The following ZHX3 variants were observed in gnomAD, a reference collection of about 807,000 sequenced individuals.
ZHX3 encodes the protein zinc fingers and homeoboxes protein 3.
ZHX3 carries 20 observed loss-of-function variants against 64.5 expected under a neutral mutation model. That is an observed-to-expected ratio of 0.31 (90% CI 0.22 to 0.45). The LOEUF is 0.45. Among genes scored for constraint, ZHX3 ranks in the 20% least tolerant of loss-of-function variants. The pLI, the probability that ZHX3 is intolerant of heterozygous loss-of-function variation, is 1.00. For missense variants in ZHX3, 1,041 were observed against 1,195.8 expected (o/e 0.87, Z 1.91); for synonymous variants, 423 against 461.6 (o/e 0.92, Z 1.07).
At chr20:41,285,963 G>A (rs1271600623) in intron 1 of ZHX3, among the ~76,000 whole-genome samples, 1 of 152,188 alleles carries the variant, frequency 6.6e-6, no homozygotes, top group Non-Finnish European at 1.5e-5. Flanking sequence ...TAAACTATCA[G>A]CGAAGAGTTC....
chr20:41,239,747 T>G (rs916977924), intron 2 of ZHX3: 1 of 152,196 alleles, frequency 6.6e-6, no homozygotes, highest in African/African-American at 2.4e-5. Context: ...AGGGGAACAA[T>G]TAGAATGCCC....
intron 2 of ZHX3, among the ~76,000 whole-genome samples, chr20:41,263,970 G>A (rs1175802734): frequency 6.6e-6 from 1 of 151,950 alleles, no homozygotes; most frequent in Non-Finnish European, 1.5e-5. Flanking sequence ...GGAAAAACAG[G>A]ACACAAAAAG....
At chr20:41,250,982 A>C (rs2041964531) in intron 2 of ZHX3, among the ~76,000 whole-genome samples, 1 of 152,200 alleles carries the variant, frequency 6.6e-6, no homozygotes, top group Admixed American at 6.5e-5. Flanking sequence ...CCCCGTCTCT[A>C]CTAAAAATAA....
chr20:41,270,163 G>A (rs1384109595), intron 1 of ZHX3, among the ~76,000 whole-genome samples: 3 of 151,414 alleles, frequency 2.0e-5, no homozygotes, highest in Non-Finnish European at 2.9e-5. Flanking sequence ...AGGCCGAGAC[G>A]GGCGGATCAC....
intron 2 of ZHX3, among the ~76,000 whole-genome samples, chr20:41,250,379 T>C (rs1234954320): frequency 6.6e-6 from 1 of 152,188 alleles, no homozygotes; most frequent in Non-Finnish European, 1.5e-5. Flanking sequence ...ATGTCCGAAG[T>C]AGATTTTAAA....
At chr20:41,247,873 T>C (rs1395735009) in intron 2 of ZHX3, among the ~76,000 whole-genome samples, 1 of 152,180 alleles carries the variant, frequency 6.6e-6, no homozygotes, top group Non-Finnish European at 1.5e-5. Context: ...ACCCACCCTT[T>C]CTGAACAGTT....
intron 2 of ZHX3, among the ~76,000 whole-genome samples, chr20:41,209,092 T>A (rs540584385): frequency 6.6e-6 from 1 of 152,296 alleles, no homozygotes; most frequent in East Asian, 1.9e-4. Context: ...CCATTCACGA[T>A]TGCTTCAAAG....
chr20:41,211,628 G>A (rs749168219), intron 2 of ZHX3, among the ~76,000 whole-genome samples: 15 of 151,834 alleles, frequency 9.9e-5, no homozygotes, highest in African/African-American at 2.9e-4. Context: ...CAAACATTAC[G>A]TTATAAACCT....
intron 2 of ZHX3, among the ~76,000 whole-genome samples, chr20:41,248,523 G>A (rs187775370): frequency 6.6e-6 from 1 of 152,292 alleles, no homozygotes; most frequent in African/African-American, 2.4e-5. Context: ...CAGGCAGCAG[G>A]AGAATTCCAC....
intron 2 of ZHX3, among the ~76,000 whole-genome samples, chr20:41,231,517 C>T (rs1176336636): frequency 1.3e-5 from 2 of 152,214 alleles, no homozygotes; most frequent in Non-Finnish European, 2.9e-5. Flanking sequence ...CCTTTCTAAA[C>T]TTCCACTGTA....
At chr20:41,301,343 T>C (rs1450208496) in intron 1 of ZHX3, among the ~76,000 whole-genome samples, 1 of 152,142 alleles carries the variant, frequency 6.6e-6, no homozygotes, top group Non-Finnish European at 1.5e-5. Flanking sequence ...TACCACCCCA[T>C]ACTCAAAATA....
intron 1 of ZHX3, among the ~76,000 whole-genome samples, chr20:41,290,840 G>C (rs2044200567): frequency 6.6e-6 from 1 of 152,146 alleles, no homozygotes; most frequent in Admixed American, 6.5e-5. Flanking sequence ...TGGCTACAGG[G>C]ACTCAGTTAA....
intron 2 of ZHX3, among the ~76,000 whole-genome samples, chr20:41,258,452 G>A (rs1487972013): frequency 6.6e-6 from 1 of 152,222 alleles, no homozygotes; most frequent in East Asian, 1.9e-4. Context: ...AATCCCCGCT[G>A]TATTTAGTTG....
At position 41,195,965 on chromosome 20, in the gene ZHX3, TCA is replaced by T. The variant is rs1425166176; in HGVS notation, c.2860+6090_2860+6091del. ...TAACTGGAATGTACTCTGTATAATC[TCA>T]GTTTTTAAAAATGTATTAACACTTG... On this transcript the variant is annotated intron_variant, in intron 3 of 3. Transcript: ENST00000683867. The surrounding 1 kb of genome is among the most constrained non-coding windows in gnomAD (Gnocchi z 4.2). 1.3e-5 allele frequency among the ~76,000 whole-genome samples: 2 copies of T among 152,110 alleles called. No individual in the cohort carries two copies. Among genetic ancestry groups the T allele is most frequent in the African/African-American group, 4.8e-5 (2 of 41,420 alleles).
In ZHX3 at chr20:41,204,813, T is replaced by C; in HGVS notation, c.104A>G (p.Glu35Gly). The change falls in exon 3 of 4, where the codon GAA becomes GGA. Residue 35 changes from glutamate to glycine, a missense_variant. Coordinates refer to ENST00000683867, the MANE Select transcript of ZHX3 (RefSeq NM_001384317.1). The surrounding 1 kb of genome is among the most constrained non-coding windows in gnomAD (Gnocchi z 6.6). ...TGGGGGCAGATCCTGCTGGGGTCCT[T>C]CAGGCAAGGTCTCAGCGGGCTGGGC... ...MEAQPAETLP[E>G]GPQQDLPPEA... The C allele has an allele frequency of 6.2e-7, 1 of 1,612,016 alleles. No homozygotes were observed. The highest frequency in any genetic ancestry group is 8.5e-7 in the Non-Finnish European group (1 of 1,178,694).
Position 41,204,961 on chromosome 20 carries a change from A to G in ZHX3, c.-45T>C. The G allele has an allele frequency of 6.6e-7, 1 of 1,504,454 alleles. No homozygotes were observed. Among genetic ancestry groups the G allele is most frequent in the South Asian group, 1.4e-5 (1 of 72,550 alleles). 93.2% of individuals were successfully genotyped at this position (1,504,454 alleles called of 1,614,324 possible). A position where few individuals can be genotyped will look rare whatever the true frequency, so the allele number is the denominator to read the frequency against. On this transcript the variant is annotated 5_prime_UTR_variant, in exon 3 of 4. Transcript: ENST00000683867. This position sits in a 1 kb window ranked among gnomAD's most constrained non-coding sequence, Gnocchi z 6.6. ...TCAGCAGTTGAGAGCTTGTCCCATA[A>G]GGGGCCTAACAATACAAGTTCCAGC...
intron 1 of ZHX3, among the ~76,000 whole-genome samples, chr20:41,309,354 T>G (rs2045065027): frequency 6.6e-6 from 1 of 152,212 alleles, no homozygotes; most frequent in East Asian, 1.9e-4. Context: ...CAAACTTGCC[T>G]AATTATAAAG....
Position 41,196,400 on chromosome 20 carries a change from T to TA in ZHX3, c.2860+5656dup, listed in dbSNP as rs2037528248. On this transcript the variant is annotated intron_variant, in intron 3 of 3. Coordinates refer to ENST00000683867, the MANE Select transcript of ZHX3 (RefSeq NM_001384317.1). ...TATAACATAAATATATATTTATATA[T>TA]ATTATATATTATATATAATATATAT... Among the ~76,000 whole-genome samples the TA allele has an allele frequency of 8.0e-4, 18 of 22,524 alleles. No homozygotes were observed. The South Asian group carries it at 8.8e-3, about 11-fold the overall frequency. The allele number at this position is 22,524 out of a possible 152,430, so 14.8% of individuals were successfully genotyped here. A position where few individuals can be genotyped will look rare whatever the true frequency, so the allele number is the denominator to read the frequency against.
At chr20:41,206,990 G>A (rs374703523) in intron 2 of ZHX3, among the ~76,000 whole-genome samples, 2 of 152,274 alleles carry the variant, frequency 1.3e-5, no homozygotes, top group Non-Finnish European at 2.9e-5. Flanking sequence ...AGTGGGGGCC[G>A]ATATTCAACA....
Sources: allele counts gnomAD v4.1 joint callset (sites outside exome capture counted in the v4.1 genomes callset), GRCh38; gene constraint gnomAD v4.1.1; non-coding constraint Gnocchi (gnomAD v3.1); transcripts MANE v1.5; gene names NCBI Gene and HGNC (gene_info 2026-07-23, HGNC 2026-07-21).